Variants in TMPRSS4 observed in about 807,000 individuals in gnomAD.
TMPRSS4 encodes transmembrane serine protease 4.
In TMPRSS4, 45 loss-of-function variants were observed where a neutral mutation model predicts 56.4. The ratio of observed to expected loss-of-function variants is 0.80; its 90% CI spans 0.63 to 1.02. The LOEUF (loss-of-function observed/expected upper bound fraction) is 1.02, where lower values mean the gene tolerates loss of function less well. Among genes scored for constraint, TMPRSS4 ranks in the 50% least tolerant of loss-of-function variants. TMPRSS4 has a pLI of 0.00. For missense variants in TMPRSS4, 546 were observed against 556.7 expected (o/e 0.98, Z 0.19); for synonymous variants, 205 against 211.0 (o/e 0.97, Z 0.25).
At chr11:118,104,876 C>T in intron 5 of TMPRSS4, 56 bp downstream of exon 5, 1 of 1,483,918 alleles carries the variant, frequency 6.7e-7, no homozygotes, top group Non-Finnish European at 9.0e-7. Context: ...TCCTCTTCCT[C>T]CTTTCCTTCC....
intron 1 of TMPRSS4, among the ~76,000 whole-genome samples, chr11:118,084,744 T>C (rs1945413429): frequency 6.6e-6 from 1 of 152,260 alleles, no homozygotes; most frequent in African/African-American, 2.4e-5. Context: ...ACATCACATG[T>C]GTCATCAATA....
intron 9 of TMPRSS4, among the ~76,000 whole-genome samples, chr11:118,114,281 A>G (rs1354626985): frequency 6.6e-6 from 1 of 152,192 alleles, no homozygotes; most frequent in Non-Finnish European, 1.5e-5. Flanking sequence ...CAGGTATGGC[A>G]AGGTGACAGA....
intron 1 of TMPRSS4, 116 bp downstream of exon 1, chr11:118,077,421 A>G: frequency 7.8e-7 from 1 of 1,288,048 alleles, no homozygotes; most frequent in East Asian, 2.8e-5. Context: ...TTCTAGGTTA[A>G]AAAAAGAGGC....
chr11:118,085,128 A>G (rs1813061671), intron 1 of TMPRSS4, among the ~76,000 whole-genome samples: 1 of 151,990 alleles, frequency 6.6e-6, no homozygotes, highest in African/African-American at 2.4e-5. Flanking sequence ...AGTCGCTTTT[A>G]TTGTACCCAC....
At chr11:118,096,877 A>G (rs1310545058) in intron 2 of TMPRSS4, among the ~76,000 whole-genome samples, 1 of 50,894 alleles carries the variant, frequency 2.0e-5, no homozygotes, top group Non-Finnish European at 4.2e-5. Flanking sequence ...GAAAGAAAGA[A>G]AGAAAGAAAG....
At chr11:118,114,800 A>G in intron 9 of TMPRSS4, 29 bp from the exon 10 acceptor site, 1 of 1,560,882 alleles carries the variant, frequency 6.4e-7, no homozygotes, top group Non-Finnish European at 8.7e-7. Context: ...TGAATAAAAG[A>G]TCTCCTTCTT....
intron 1 of TMPRSS4, among the ~76,000 whole-genome samples, chr11:118,094,245 T>C (rs1360383702): frequency 6.6e-6 from 1 of 152,222 alleles, no homozygotes; most frequent in Non-Finnish European, 1.5e-5. Flanking sequence ...TTTGTACCAC[T>C]TTACACTCCC....
intron 2 of TMPRSS4, among the ~76,000 whole-genome samples, chr11:118,096,842 AGAAG>A (rs1565422088): frequency 5.0e-5 from 1 of 19,922 alleles, no homozygotes; most frequent in Non-Finnish European, 1.2e-4. Flanking sequence ...AAAGAAGGAA[AGAAG>A]GAAAGAAAGA....
At chr11:118,111,480 G>A (rs1221832967) in intron 7 of TMPRSS4, among the ~76,000 whole-genome samples, 1 of 151,858 alleles carries the variant, frequency 6.6e-6, no homozygotes, top group African/African-American at 2.4e-5. Context: ...CATGTTCATA[G>A]TCTGAACTCC....
Position 118,099,248 on chromosome 11 carries a change from CTCAG to C in TMPRSS4, c.157+152_157+155del, listed in dbSNP as rs1021327337. 1.1e-4 allele frequency: 66 copies of C among 586,528 alleles called. No homozygotes were observed. The African/African-American group carries it at 1.2e-3, about 10-fold the overall frequency. The allele number at this position is 586,528 out of a possible 1,614,324, so 36.3% of individuals were successfully genotyped here. On this transcript the variant is annotated intron_variant, in intron 3 of 12. Transcript: ENST00000437212. ...GCAGTCCCACCCCTGCCCTCACCCACTCAGTAAGTGGCAGCCCCGCCCCTCCCAT... is the reference window on the plus strand; with the variant it reads ...GCAGTCCCACCCCTGCCCTCACCCACTAAGTGGCAGCCCCGCCCCTCCCAT...
intron 3 of TMPRSS4, among the ~76,000 whole-genome samples, chr11:118,099,459 G>GA (rs1457855604): frequency 4.7e-5 from 1 of 21,212 alleles, no homozygotes; most frequent in Admixed American, 5.1e-4. Flanking sequence ...GAGAAAGAGA[G>GA]AAAGAAAGAA....
downstream of TMPRSS4, among the ~76,000 whole-genome samples, chr11:118,122,715 C>T (rs1392494937): frequency 6.6e-6 from 1 of 152,096 alleles, no homozygotes; most frequent in Non-Finnish European, 1.5e-5. Context: ...GACAGGAAGC[C>T]ATCATTGGCA....
chr11:118,104,551 C>A, intron 4 of TMPRSS4, 140 bp from the exon 5 acceptor site: 1 of 1,351,184 alleles, frequency 7.4e-7, no homozygotes, highest in South Asian at 1.4e-5. Context: ...AAGAAATTCC[C>A]TTGACATTGA....
rs752781247 is a variant in TMPRSS4 at position 118,115,155 on chromosome 11, C to G, written c.1027C>G (p.Leu343Val). The G allele has an allele frequency of 7.4e-6, 12 of 1,611,408 alleles. No individual in the cohort carries two copies. The stretch of plus-strand genomic sequence containing the variant: ...CCTCCCAGGGAAGATGTCTGACATA[C>G]TGCTGCAGGCGTCAGTCCAGGTCAT... ...KQNGGKMSDI[L>V]LQASVQVIDS... The change falls in exon 11 of 13, where the codon CTG (leucine) becomes GTG (valine). Residue 343 changes from leucine to valine, a missense_variant. Leu to Val is a conservative substitution (Grantham distance 32). Coordinates refer to ENST00000437212, the MANE Select transcript of TMPRSS4 (RefSeq NM_019894.4).
At chr11:118,101,712 C>G (rs971715745) in intron 3 of TMPRSS4, among the ~76,000 whole-genome samples, 1 of 152,116 alleles carries the variant, frequency 6.6e-6, no homozygotes, top group African/African-American at 2.4e-5. Context: ...TTCCTGGGCT[C>G]AAACAATCCT....
rs1947769389 is a variant in TMPRSS4, at chr11:118,120,871, C to T, written c.*2958C>T. The T allele has an allele frequency of 6.6e-6, 1 of 152,196 alleles. No homozygotes were observed. Among genetic ancestry groups the T allele is most frequent in the African/African-American group, 2.4e-5 (1 of 41,448 alleles). 9.4% of individuals were successfully genotyped at this position (152,196 alleles called of 1,614,324 possible). ...AAAAGGTGTGAATCCACAGAACATA[C>T]ACCACCATAGTGTACACGCATACAA... is the stretch of plus-strand genomic sequence containing the variant. On this transcript the variant is annotated 3_prime_UTR_variant, in exon 13 of 13. Coordinates refer to ENST00000437212, the MANE Select transcript of TMPRSS4 (RefSeq NM_019894.4).
chr11:118,121,175 G>GA lies in TMPRSS4; in HGVS notation c.*3266dup, dbSNP rs1471610876. 3.3e-5 allele frequency: 5 copies of GA among 152,190 alleles called. No individual in the cohort carries two copies. In the East Asian group the frequency reaches 9.6e-4, roughly 29 times the overall value. The allele number at this position is 152,190 out of a possible 1,614,324, so 9.4% of individuals were successfully genotyped here. A position where few individuals can be genotyped will look rare whatever the true frequency, so the allele number is the denominator to read the frequency against. ...CTTTCAAGAATAAAGGCATTTTCAA[G>GA]AAAACAAAAACAGACTTTACCATCA... On this transcript the variant is annotated 3_prime_UTR_variant, in exon 13 of 13. Coordinates refer to ENST00000437212, the MANE Select transcript of TMPRSS4 (RefSeq NM_019894.4).
Position 118,113,346 on chromosome 11 carries a change from C to A in TMPRSS4, c.821C>A (p.Ala274Asp). ...GGCAGCTTCCCATCCCTGGCTGTGG[C>A]CAAGATCATCATCATTGAATTCAAC... is the stretch of plus-strand genomic sequence containing the variant. Reference protein sequence around the residue: ...KLGSFPSLAVAKIIIIEFNPM... With the variant: ...KLGSFPSLAVDKIIIIEFNPM... The change falls in exon 9 of 13, where the codon GCC becomes GAC. Residue 274 changes from alanine (A) to aspartate (D), a missense_variant. Ala to Asp is a moderately radical substitution (Grantham distance 126). Coordinates refer to ENST00000437212, the MANE Select transcript of TMPRSS4 (RefSeq NM_019894.4). 6.2e-7 allele frequency: 1 copy of A among 1,614,104 alleles called. No homozygotes were observed. Among genetic ancestry groups the A allele is most frequent in the Non-Finnish European group, 8.5e-7 (1 of 1,180,012 alleles).
chr11:118,117,923 C>T lies in TMPRSS4; in HGVS notation c.*10C>T. On this transcript the variant is annotated 3_prime_UTR_variant, in exon 13 of 13. Coordinates refer to ENST00000437212, the MANE Select transcript of TMPRSS4 (RefSeq NM_019894.4). ...CTAGGCTGAGCTGTAATGCTGCTGC[C>T]CCTTTGCAGTGCTGGGAGCCGCTTC... 6.2e-7 allele frequency: 1 copy of T among 1,613,154 alleles called. No individual in the cohort carries two copies. The highest frequency in any genetic ancestry group is 1.3e-5 in the African/African-American group (1 of 75,016).
Sources: allele counts gnomAD v4.1 joint callset (sites outside exome capture counted in the v4.1 genomes callset), GRCh38; gene constraint gnomAD v4.1.1; transcripts MANE v1.5; gene names NCBI Gene and HGNC (gene_info 2026-07-23, HGNC 2026-07-21).